The following ANKRD13C variants were observed in gnomAD, a reference collection of about 807,000 sequenced individuals.
ANKRD13C encodes the protein ankyrin repeat domain 13C.
ANKRD13C carries 16 observed loss-of-function variants against 65.5 expected under a neutral mutation model. The ratio of observed to expected loss-of-function variants is 0.24; its 90% CI spans 0.17 to 0.37. ANKRD13C has a LOEUF of 0.37. Ranked by LOEUF, ANKRD13C falls within the 10% of genes least tolerant of loss-of-function variation. The pLI is 1.00. For missense variants in ANKRD13C, 503 were observed against 655.9 expected (o/e 0.77, Z 2.55); for synonymous variants, 235 against 238.7 (o/e 0.98, Z 0.14).
intron 1 of ANKRD13C, among the ~76,000 whole-genome samples, chr1:70,340,024 T>A (rs1057148922): frequency 5.9e-5 from 9 of 151,444 alleles, no homozygotes; most frequent in African/African-American, 9.7e-5. Context: ...TAATTTTTTT[T>A]AAATTTTCAG....
At chr1:70,326,639 G>A (rs1176000733) in intron 2 of ANKRD13C, among the ~76,000 whole-genome samples, 1 of 142,844 alleles carries the variant, frequency 7.0e-6, no homozygotes, top group African/African-American at 2.7e-5. Flanking sequence ...CAGTATATAA[G>A]AATATATGTA....
intron 8 of ANKRD13C, chr1:70,293,639 T>G: frequency 1.2e-6 from 1 of 800,478 alleles, no homozygotes; most frequent in Non-Finnish European, 1.5e-6. Flanking sequence ...AAGAACAAAG[T>G]ACAAACAAAT....
At chr1:70,343,337 A>G (rs913945372) in intron 1 of ANKRD13C, among the ~76,000 whole-genome samples, 1 of 152,198 alleles carries the variant, frequency 6.6e-6, no homozygotes, top group Non-Finnish European at 1.5e-5. Flanking sequence ...TCCATCTACT[A>G]TCTCCTCAGT....
chr1:70,329,088 A>C (rs1388056186), intron 2 of ANKRD13C, among the ~76,000 whole-genome samples: 1 of 152,210 alleles, frequency 6.6e-6, no homozygotes, highest in South Asian at 2.1e-4. Context: ...TTGTAAGTAA[A>C]GAGTACGATA....
At chr1:70,324,815 TAGA>T (rs779678190) in intron 3 of ANKRD13C, 35 bp downstream of exon 3, 18 of 1,400,064 alleles carry the variant, frequency 1.3e-5, no homozygotes, top group Non-Finnish European at 1.8e-5. Context: ...TTCATATTTT[TAGA>T]AGATATATCA....
At chr1:70,305,731 G>T (rs1006569642) in intron 6 of ANKRD13C, 1 of 152,068 alleles carries the variant, frequency 6.6e-6, no homozygotes, top group African/African-American at 2.4e-5. Flanking sequence ...ATTAAAATTA[G>T]CCTCAAAATA....
chr1:70,310,335 G>A (rs1475310216), intron 5 of ANKRD13C, among the ~76,000 whole-genome samples: 1 of 152,146 alleles, frequency 6.6e-6, no homozygotes, highest in East Asian at 1.9e-4. Flanking sequence ...ATTAAAGTTT[G>A]ATCATAAAAT....
intron 8 of ANKRD13C, 149 bp downstream of exon 8, chr1:70,295,981 T>C: frequency 1.2e-6 from 1 of 842,766 alleles, no homozygotes; most frequent in East Asian, 2.7e-5. Context: ...TAACCATCCA[T>C]TATAATTCCT....
chr1:70,349,110 C>G (rs763944012), intron 1 of ANKRD13C, among the ~76,000 whole-genome samples: 1 of 152,106 alleles, frequency 6.6e-6, no homozygotes, highest in Non-Finnish European at 1.5e-5. Context: ...ATCTTCTATA[C>G]GTTTCATATT....
Position 70,262,690 on chromosome 1 carries a change from G to A in ANKRD13C, c.*27C>T. On this transcript the variant is annotated 3_prime_UTR_variant, in exon 13 of 13. Coordinates refer to ENST00000370944, the MANE Select transcript of ANKRD13C (RefSeq NM_030816.5). ...AGGGTCTCTGTATTTTCTTTCCTTGGTTAGACGGCATCCTTTTCCACGTCA... is the reference window on the plus strand; with the variant it reads ...AGGGTCTCTGTATTTTCTTTCCTTGATTAGACGGCATCCTTTTCCACGTCA... 1.2e-6 allele frequency: 2 copies of A among 1,603,038 alleles called. No homozygotes were observed. The highest frequency in any genetic ancestry group is 2.7e-5 in the African/African-American group (2 of 74,604).
At chr1:70,289,247 A>G (rs1421381581) in intron 9 of ANKRD13C, among the ~76,000 whole-genome samples, 1 of 152,110 alleles carries the variant, frequency 6.6e-6, no homozygotes, top group East Asian at 1.9e-4. Context: ...TTTAATTTCA[A>G]CTTGCAAAGT....
chr1:70,354,109 G>A lies in ANKRD13C; in HGVS notation c.300C>T (p.Pro100=). 1.9e-6 allele frequency: 3 copies of A among 1,613,082 alleles called. No homozygotes were observed. The highest frequency in any genetic ancestry group is 2.5e-6 in the Non-Finnish European group (3 of 1,179,254). Residue 100 remains proline, a synonymous_variant, in exon 1 of 13, where the codon CCC becomes CCT. Transcript: ENST00000370944. The part of the protein sequence containing the change: ...QSPALLAGTN[P]VAVVADGGSC... ...TGCCTCCATCCGCGACGACAGCAACGGGGTTGGTGCCGGCCAGAAGGGCCG... is the reference window on the plus strand; with the variant it reads ...TGCCTCCATCCGCGACGACAGCAACAGGGTTGGTGCCGGCCAGAAGGGCCG...
intron 3 of ANKRD13C, among the ~76,000 whole-genome samples, chr1:70,315,771 TC>T (rs1681047870): frequency 6.6e-6 from 1 of 152,128 alleles, no homozygotes. Context: ...ACTGAAGGCC[TC>T]TTGGAACAGT....
intron 9 of ANKRD13C, among the ~76,000 whole-genome samples, chr1:70,284,496 C>G (rs1679534888): frequency 6.6e-6 from 1 of 152,072 alleles, no homozygotes; most frequent in Admixed American, 6.6e-5. Flanking sequence ...CCCACTCTTT[C>G]CTGACTTCAA....
chr1:70,273,252 G>T (rs143317778), intron 11 of ANKRD13C, among the ~76,000 whole-genome samples: 3 of 151,950 alleles, frequency 2.0e-5, no homozygotes, highest in Non-Finnish European at 4.4e-5. Context: ...TCTCTTCTCC[G>T]ATCATTTTTA....
intron 9 of ANKRD13C, among the ~76,000 whole-genome samples, chr1:70,284,537 C>T (rs765661234): frequency 2.0e-5 from 3 of 152,104 alleles, no homozygotes; most frequent in Non-Finnish European, 1.5e-5. Context: ...ATTGCTAAGA[C>T]GTGTTAATAC....
chr1:70,262,801 C>T lies in ANKRD13C; in HGVS notation c.1542G>A (p.Glu514=). ...PTITATVTFQ[E]FRYDEFDGSI... ...AGCCATCAAATTCATCGTATCGAAA[C>T]TCCTGAAAAGTCACAGTGGCTGTGA... Residue 514 remains glutamate, a synonymous_variant, in exon 13 of 13, where the codon GAG becomes GAA. Transcript: ENST00000370944. 1 of 1,613,604 alleles carries T rather than the reference C, an allele frequency of 6.2e-7. No individual in the cohort carries two copies. Among genetic ancestry groups the T allele is most frequent in the Non-Finnish European group, 8.5e-7 (1 of 1,179,654 alleles).
In ANKRD13C at chr1:70,330,306, C is replaced by T. The variant is rs149693780; in HGVS notation, c.473-5349G>A. On this transcript the variant is annotated intron_variant, in intron 2 of 12. Coordinates refer to ENST00000370944, the MANE Select transcript of ANKRD13C (RefSeq NM_030816.5). ...GAAACAGTGGCTCATGCCTACAATC[C>T]CAGCAGTTTGGGAGGCCAAGGTGGG... Among the ~76,000 whole-genome samples, 649 of 151,926 alleles carry T rather than the reference C, an allele frequency of 4.3e-3. 7 individuals carry two copies. Among genetic ancestry groups the T allele is most frequent in the South Asian group, 0.036 (175 of 4,818 alleles).
chr1:70,307,404 A>G (rs1324420537), intron 5 of ANKRD13C, among the ~76,000 whole-genome samples: 1 of 151,972 alleles, frequency 6.6e-6, no homozygotes. Flanking sequence ...AGTCTCATAA[A>G]CCAGTCTCAA....
Sources: gnomAD v4.1 joint callset for allele counts (sites outside exome capture counted in the v4.1 genomes callset) on GRCh38, gnomAD v4.1.1 for gene constraint, MANE v1.5 for transcripts, NCBI Gene and HGNC (gene_info 2026-07-23, HGNC 2026-07-21) for gene names.